Variants in DLX6 observed in about 807,000 individuals in gnomAD.
DLX6 encodes the protein distal-less homeobox 6, also known as homeobox protein DLX-6.
Under a neutral mutation model 33.5 loss-of-function variants are expected in DLX6, and 4 were observed. The ratio of observed to expected loss-of-function variants is 0.12; its 90% CI spans 0.06 to 0.27. DLX6 has a LOEUF of 0.27. DLX6 is among the 10% of genes least tolerant of loss of function. The pLI is 1.00. For synonymous variants in DLX6, 184 were observed against 164.8 expected, an observed-to-expected ratio of 1.12 and a Z score of -0.89; for missense variants, 382 against 393.3, an observed-to-expected ratio of 0.97 and a Z score of 0.24.
chr7:97,007,291 A>C, intron 1 of DLX6: 1 of 576,712 alleles, frequency 1.7e-6, no homozygotes, highest in Non-Finnish European at 3.1e-6. Flanking sequence ...AGCCGGGCAC[A>C]GGGGCCCCGC....
intron 2 of DLX6, 55 bp from the exon 3 acceptor site, chr7:97,009,741 G>C: frequency 1.3e-6 from 2 of 1,585,484 alleles, no homozygotes. Flanking sequence ...CCTGAGTGAC[G>C]TTAGAGGCAC....
In DLX6 at chr7:97,006,281, T is replaced by G; in HGVS notation, c.304T>G (p.Ser102Ala). 6.5e-7 allele frequency: 1 copy of G among 1,530,372 alleles called. No homozygotes were observed. Among genetic ancestry groups the G allele is most frequent in the Non-Finnish European group, 8.8e-7 (1 of 1,136,682 alleles). 94.8% of individuals were successfully genotyped at this position (1,530,372 alleles called of 1,614,324 possible). The change falls in exon 1 of 3, where the codon TCG becomes GCG. Residue 102 changes from serine (S) to alanine (A), a missense_variant. Physicochemically the swap from Ser to Ala is moderately conservative, Grantham distance 99. Transcript: ENST00000518156. Reference sequence around the variant, plus strand: ...CCACCACCACGGCTCGCCCTACGCGTCGGGCGGAGGGAACTCCTACAACCA... The same window carrying G: ...CCACCACCACGGCTCGCCCTACGCGGCGGGCGGAGGGAACTCCTACAACCA... ...QHHHHGSPYA[S>A]GGGNSYNHRS...
chr7:97,006,586 C>A, intron 1 of DLX6, 173 bp downstream of exon 1: 1 of 499,546 alleles, frequency 2.0e-6, no homozygotes. Context: ...GCCTGCCGGC[C>A]TCTCCCAGCC....
chr7:97,006,508 GC>G lies in DLX6; in HGVS notation c.436+100del, dbSNP rs1789735714. The G allele has an allele frequency of 3.3e-6, 4 of 1,203,870 alleles. No individual in the cohort carries two copies. In the South Asian group the frequency reaches 1.3e-4, roughly 38 times the overall value. The allele number at this position is 1,203,870 out of a possible 1,614,324, so 74.6% of individuals were successfully genotyped here. ...TTCCTCGACGCCCGGGCCTCCGCCG[GC>G]CCCCTCCCCCAGGCGGCCCCGCGCG... On this transcript the variant is annotated intron_variant, in intron 1 of 2. Transcript: ENST00000518156.
chr7:97,006,494 C>T, intron 1 of DLX6, 81 bp downstream of exon 1: 2 of 1,230,530 alleles, frequency 1.6e-6, no homozygotes, highest in Non-Finnish European at 2.0e-6. Context: ...TCCTCGACGC[C>T]CGGGCCTCCG....
chr7:97,006,061 G>GCAA lies in DLX6; in HGVS notation c.86_87insACA (p.Gln44dup). On this transcript the variant is annotated inframe_insertion, in exon 1 of 3. Transcript: ENST00000518156. ...CCTTCATGGAGTTCGGGCAGCAGCAGCAGCAGCAGCAGCAACAGCAGCAGC... is the reference window on the plus strand; with the variant it reads ...CCTTCATGGAGTTCGGGCAGCAGCAGCAACAGCAGCAGCAGCAACAGCAGCAGC... The GCAA allele has an allele frequency of 6.3e-7, 1 of 1,577,962 alleles. No individual in the cohort carries two copies. The highest frequency in any genetic ancestry group is 8.6e-7 in the Non-Finnish European group (1 of 1,162,838).
Position 97,007,729 on chromosome 7 carries a change from C to A in DLX6, c.528C>A (p.Ser176Arg). The change falls in exon 2 of 3, where the codon AGC (serine) becomes AGA (arginine). Residue 176 changes from serine (S) to arginine (R), a missense_variant. Physicochemically the swap from Ser to Arg is moderately radical, Grantham distance 110. This residue lies in a region of DLX6 where 25 missense variants were observed against 51.9 expected (regional missense o/e 0.48). Coordinates refer to ENST00000518156, the MANE Select transcript of DLX6 (RefSeq NM_005222.4). ...KIRKPRTIYSSLQLQALNHRF... is the reference protein window; with the variant it reads ...KIRKPRTIYSRLQLQALNHRF... The stretch of plus-strand genomic sequence containing the variant: ...GGAAGCCTCGGACCATTTATTCCAG[C>A]CTGCAGCTCCAGGCTTTAAACCATC... 1 of 1,612,530 alleles carries A rather than the reference C, an allele frequency of 6.2e-7. No individual in the cohort carries two copies. The highest frequency in any genetic ancestry group is 8.5e-7 in the Non-Finnish European group (1 of 1,179,292).
chr7:97,008,682 GGAGT>G (rs1268522967), intron 2 of DLX6, among the ~76,000 whole-genome samples: 2 of 152,202 alleles, frequency 1.3e-5, no homozygotes, highest in Non-Finnish European at 2.9e-5. Flanking sequence ...TTACCTACAT[GGAGT>G]AAGTAGGCCT....
At position 97,006,069 on chromosome 7, in the gene DLX6, AG is replaced by A; in HGVS notation, c.93del (p.Gln31HisfsTer89). ...FMEFGQQQQQ[Q>X]QQQQQQQQQQ... ...GAGTTCGGGCAGCAGCAGCAGCAGC[AG>A]CAGCAACAGCAGCAGCAGCAGCAGC... is the stretch of plus-strand genomic sequence containing the variant. On this transcript the variant is annotated frameshift_variant, in exon 1 of 3. Transcript: ENST00000518156. LOFTEE classifies it high-confidence loss of function. The A allele has an allele frequency of 6.4e-7, 1 of 1,571,840 alleles. No individual in the cohort carries two copies.
intron 2 of DLX6, among the ~76,000 whole-genome samples, chr7:97,008,972 A>G (rs914568651): frequency 2.0e-5 from 3 of 152,206 alleles, no homozygotes; most frequent in Non-Finnish European, 4.4e-5. Flanking sequence ...TTCTTCAAAT[A>G]AAGTAGATCT....
At position 97,006,028 on chromosome 7, in the gene DLX6, C is replaced by T. The variant is rs200317268; in HGVS notation, c.51C>T (p.Ser17=). The change falls in exon 1 of 3, where the codon TCC becomes TCT. Residue 17 remains serine, a synonymous_variant. Transcript: ENST00000518156. ...MADGLEGQDS[S]KSAFMEFGQQ... Reference sequence around the variant, plus strand: ...ACGGCTTGGAAGGCCAGGACTCGTCCAAATCCGCCTTCATGGAGTTCGGGC... The same window carrying T: ...ACGGCTTGGAAGGCCAGGACTCGTCTAAATCCGCCTTCATGGAGTTCGGGC... 2.9e-4 allele frequency: 470 copies of T among 1,596,300 alleles called. 1 individual carries two copies. In the African/African-American group the frequency reaches 5.3e-3, roughly 18 times the overall value.
chr7:97,006,523 C>G (rs1391822911), intron 1 of DLX6, 110 bp downstream of exon 1: 7 of 1,148,778 alleles, frequency 6.1e-6, no homozygotes, highest in Non-Finnish European at 7.7e-6. Flanking sequence ...CTCCCCCAGG[C>G]GGCCCCGCGC....
In DLX6 at chr7:97,010,189, TCTCC is replaced by T; in HGVS notation, c.*146_*149del. The stretch of plus-strand genomic sequence containing the variant: ...CAAGAAGCCGACTAGGCTCATTCTC[TCTCC>T]CTCTCTCTCTCTCTCCCTCTCCTTT... On this transcript the variant is annotated 3_prime_UTR_variant, in exon 3 of 3. Transcript: ENST00000518156. 2.4e-6 allele frequency: 2 copies of T among 827,888 alleles called. No homozygotes were observed. The highest frequency in any genetic ancestry group is 3.6e-6 in the Non-Finnish European group (2 of 555,854). The allele number at this position is 827,888 out of a possible 1,614,324, so 51.3% of individuals were successfully genotyped here.
chr7:97,008,188 G>A (rs976501502), intron 2 of DLX6, among the ~76,000 whole-genome samples: 1 of 152,194 alleles, frequency 6.6e-6, no homozygotes, highest in Non-Finnish European at 1.5e-5. Context: ...GGCAGAATAA[G>A]GTTCAACTTT....
chr7:97,007,702 T>G lies in DLX6; in HGVS notation c.501T>G (p.Ile167Met). 1 of 1,612,550 alleles carries G rather than the reference T, an allele frequency of 6.2e-7. No individual in the cohort carries two copies. Among genetic ancestry groups the G allele is most frequent in the Non-Finnish European group, 8.5e-7 (1 of 1,179,340 alleles). Residue 167 changes from isoleucine (I) to methionine (M), a missense_variant, in exon 2 of 3, where the codon ATT (isoleucine) becomes ATG (methionine). Coordinates refer to ENST00000518156, the MANE Select transcript of DLX6 (RefSeq NM_005222.4). ...GGTTCAATGGAAAAGGGAAAAAGAT[T>G]CGGAAGCCTCGGACCATTTATTCCA... Reference protein sequence around the residue: ...EIRFNGKGKKIRKPRTIYSSL... With the variant: ...EIRFNGKGKKMRKPRTIYSSL...
intron 2 of DLX6, among the ~76,000 whole-genome samples, chr7:97,008,946 G>A (rs1382519468): frequency 6.6e-6 from 1 of 152,224 alleles, no homozygotes; most frequent in African/African-American, 2.4e-5. Context: ...AAAGGAAGCT[G>A]CACCATAAAA....
chr7:97,007,363 C>T, intron 1 of DLX6: 1 of 598,842 alleles, frequency 1.7e-6, no homozygotes, highest in Non-Finnish European at 3.0e-6. Flanking sequence ...GGCACCGCCT[C>T]CGCTGCGGCA....
rs1789821226 is a variant in DLX6, at chr7:97,010,356, A to G, written c.*309A>G. On this transcript the variant is annotated 3_prime_UTR_variant, in exon 3 of 3. Coordinates refer to ENST00000518156, the MANE Select transcript of DLX6 (RefSeq NM_005222.4). ...CAGTAATTGATCTTGCATCTCAGAG[A>G]GAGAGAAAGAGCATGTGTGAGAGAG... 3.4e-6 allele frequency: 1 copy of G among 297,542 alleles called. No homozygotes were observed. Among genetic ancestry groups the G allele is most frequent in the South Asian group, 7.2e-5 (1 of 13,860 alleles). The allele number at this position is 297,542 out of a possible 1,614,324, so 18.4% of individuals were successfully genotyped here.
rs779138686 is a variant in DLX6, at chr7:97,006,050, G to C, written c.73G>C (p.Gly25Arg). The C allele has an allele frequency of 4.4e-6, 7 of 1,587,232 alleles. No individual in the cohort carries two copies. The highest frequency in any genetic ancestry group is 3.3e-4 in the Middle Eastern group (2 of 6,012). ...DSSKSAFMEF[G>R]QQQQQQQQQQ... ...GTCCAAATCCGCCTTCATGGAGTTCGGGCAGCAGCAGCAGCAGCAGCAGCA... is the reference window on the plus strand; with the variant it reads ...GTCCAAATCCGCCTTCATGGAGTTCCGGCAGCAGCAGCAGCAGCAGCAGCA... Residue 25 changes from glycine (G) to arginine (R), a missense_variant, in exon 1 of 3, where the codon GGG (glycine) becomes CGG (arginine). Physicochemically the swap from Gly to Arg is moderately radical, Grantham distance 125. Around this residue, in one of 4 missense-constraint regions of DLX6, gnomAD observed 257 missense variants for 206.9 expected, o/e 1.24. Transcript: ENST00000518156.
Sources: allele counts gnomAD v4.1 joint callset (sites outside exome capture counted in the v4.1 genomes callset), GRCh38; gene constraint gnomAD v4.1.1; regional missense constraint gnomAD v4.1.1; transcripts MANE v1.5; gene names NCBI Gene and HGNC (gene_info 2026-07-23, HGNC 2026-07-21).